PDZRN3: variants seen among roughly 807,000 people sequenced by gnomAD.
PDZRN3 encodes PDZ domain containing ring finger 3, also known as E3 ubiquitin-protein ligase PDZRN3.
In PDZRN3, 38 loss-of-function variants were observed where a neutral mutation model predicts 85.7. That is an observed-to-expected ratio of 0.44 (90% CI 0.34 to 0.58). PDZRN3 has a LOEUF of 0.58. Among genes scored for constraint, PDZRN3 ranks in the 20% least tolerant of loss-of-function variants. PDZRN3 has a pLI of 0.01. For synonymous variants in PDZRN3, 759 were observed against 638.0 expected (o/e 1.19, Z -2.86); for missense variants, 1,629 against 1,506.4 (o/e 1.08, Z -1.35).
chr3:73,615,811 A>G (rs1405691861), intron 1 of PDZRN3, among the ~76,000 whole-genome samples: 1 of 152,226 alleles, frequency 6.6e-6, no homozygotes, highest in African/African-American at 2.4e-5. Flanking sequence ...TAAATGGCCT[A>G]AGACAGAGTG....
intron 1 of PDZRN3, among the ~76,000 whole-genome samples, chr3:73,615,050 G>C (rs1702740198): frequency 6.6e-6 from 1 of 152,062 alleles, no homozygotes; most frequent in South Asian, 2.1e-4. Flanking sequence ...AAAAGGTGTA[G>C]AGAGAATGAA....
chr3:73,528,885 AAC>A (rs56134399), intron 3 of PDZRN3, among the ~76,000 whole-genome samples: 2,568 of 146,372 alleles, frequency 0.018, 34 homozygotes, highest in African/African-American at 0.046. Flanking sequence ...TTTTGTGGGA[AAC>A]ACACACACAC....
At chr3:73,582,858 T>C (rs564443427) in intron 3 of PDZRN3, among the ~76,000 whole-genome samples, 40 of 152,322 alleles carry the variant, frequency 2.6e-4, no homozygotes, top group Non-Finnish European at 4.9e-4. Flanking sequence ...ATTCCTCCAA[T>C]AGACACAGAT....
Position 73,484,846 on chromosome 3 carries a change from T to C in PDZRN3, c.919-80451A>G, listed in dbSNP as rs543227241. On this transcript the variant is annotated intron_variant, in intron 3 of 9. Transcript: ENST00000263666. ...GATTCCCAGCAGATGCGTTTGCATA[T>C]GAAAGTCCTAGAAGCTGGTATAAAG... Among the ~76,000 whole-genome samples, 5 of 152,262 alleles carry C rather than the reference T, an allele frequency of 3.3e-5. No homozygotes were observed. In the East Asian group the frequency reaches 7.7e-4, roughly 24 times the overall value.
chr3:73,391,950 T>C (rs993371276), intron 5 of PDZRN3, among the ~76,000 whole-genome samples: 7 of 152,146 alleles, frequency 4.6e-5, no homozygotes, highest in African/African-American at 1.4e-4. Flanking sequence ...TTTTTAGTGT[T>C]ATCTGCTCAC....
At chr3:73,569,499 T>C (rs1702012191) in intron 3 of PDZRN3, 3 of 1,069,578 alleles carry the variant, frequency 2.8e-6, no homozygotes, top group South Asian at 5.6e-5. Context: ...CTTTCTCCTC[T>C]TCTCTGCAAT....
intron 3 of PDZRN3, among the ~76,000 whole-genome samples, chr3:73,450,027 T>C (rs1702827611): frequency 6.6e-6 from 1 of 152,230 alleles, no homozygotes; most frequent in African/African-American, 2.4e-5. Flanking sequence ...TAGGAGGCAC[T>C]GGATGGACTG....
rs139576328 is a variant in PDZRN3, at chr3:73,487,960, C to T, written c.919-83565G>A. ...CTCACAGCAGTGTGTAGGAGAAAAA[C>T]ACATTATATGCCTACTGTGGGCTGA... On this transcript the variant is annotated intron_variant, in intron 3 of 9. Transcript: ENST00000263666. Among the ~76,000 whole-genome samples the T allele has an allele frequency of 4.7e-3, 709 of 152,260 alleles. 8 individuals are homozygous for T. The highest frequency in any genetic ancestry group is 0.016 in the African/African-American group (652 of 41,544).
intron 3 of PDZRN3, among the ~76,000 whole-genome samples, chr3:73,600,694 A>G (rs146103857): frequency 6.6e-6 from 1 of 152,330 alleles, no homozygotes; most frequent in Non-Finnish European, 1.5e-5. Context: ...TCTCATTTGC[A>G]AAACACAAGA....
chr3:73,558,881 A>C (rs974419094), intron 3 of PDZRN3, among the ~76,000 whole-genome samples: 1 of 152,248 alleles, frequency 6.6e-6, no homozygotes, highest in South Asian at 2.1e-4. Context: ...ACTGTTTGAC[A>C]GCCTACGCAA....
chr3:73,396,806 A>G (rs541927814), intron 5 of PDZRN3, among the ~76,000 whole-genome samples: 2 of 152,302 alleles, frequency 1.3e-5, no homozygotes, highest in African/African-American at 4.8e-5. Context: ...TTCTTTGGGC[A>G]TGTATTTTCT....
Position 73,570,223 on chromosome 3 carries a change from A to AAATG in PDZRN3, c.918+32127_918+32130dup, listed in dbSNP as rs753921136. On this transcript the variant is annotated intron_variant, in intron 3 of 9. Transcript: ENST00000263666. ...ATGTAGAAGGTCTCAAATATTTCTC[A>AAATG]AATGAATGAATGAATGAATGAAAAA... 1.1e-4 allele frequency among the ~76,000 whole-genome samples: 16 copies of AAATG among 152,268 alleles called. No homozygotes were observed. In the East Asian group the frequency reaches 1.2e-3, roughly 11 times the overall value.
chr3:73,565,553 T>C (rs1471118969), intron 3 of PDZRN3, among the ~76,000 whole-genome samples: 2 of 152,160 alleles, frequency 1.3e-5, no homozygotes, highest in African/African-American at 4.8e-5. Flanking sequence ...AGGATTAGGT[T>C]GATAAATCTG....
At chr3:73,396,475 A>G (rs1044356282) in intron 5 of PDZRN3, among the ~76,000 whole-genome samples, 3 of 152,122 alleles carry the variant, frequency 2.0e-5, no homozygotes, top group Non-Finnish European at 2.9e-5. Flanking sequence ...GGTTCCCTAG[A>G]TCTATTCCTT....
At chr3:73,532,428 C>T (rs1217059522) in intron 3 of PDZRN3, among the ~76,000 whole-genome samples, 1 of 152,234 alleles carries the variant, frequency 6.6e-6, no homozygotes, top group Non-Finnish European at 1.5e-5. Flanking sequence ...TAATTTCCAT[C>T]TCTCCAGCTT....
At chr3:73,459,695 T>G (rs138147855) in intron 3 of PDZRN3, among the ~76,000 whole-genome samples, 44 of 152,388 alleles carry the variant, frequency 2.9e-4, no homozygotes, top group African/African-American at 9.6e-4. Flanking sequence ...TTCTTCTTTT[T>G]ACGGCTGCAT....
At position 73,402,941 on chromosome 3, in the gene PDZRN3, C is replaced by CTTTTTTTTTTTTTTTTTTT. The variant is rs140037400; in HGVS notation, c.1166+1188_1166+1206dup. Among the ~76,000 whole-genome samples the CTTTTTTTTTTTTTTTTTTT allele has an allele frequency of 3.4e-4, 39 of 115,646 alleles. 2 individuals are homozygous for CTTTTTTTTTTTTTTTTTTT. The highest frequency in any genetic ancestry group is 1.2e-3 in the African/African-American group (31 of 26,748). The allele number at this position is 115,646 out of a possible 152,430, so 75.9% of individuals were successfully genotyped here. ...GATGTGCAAAGTCACACATGAAAAG[C>CTTTTTTTTTTTTTTTTTTT]TTTTTTTTTTTTTTTTTTTTGAGAC... On this transcript the variant is annotated intron_variant, in intron 4 of 9. Transcript: ENST00000263666.
chr3:73,484,153 G>A (rs746367049), intron 3 of PDZRN3, among the ~76,000 whole-genome samples: 3 of 152,164 alleles, frequency 2.0e-5, no homozygotes, highest in Admixed American at 1.3e-4. Flanking sequence ...GACAGCGGGT[G>A]TGTGAGAAGC....
chr3:73,573,888 T>TA (rs1702080918), intron 3 of PDZRN3, among the ~76,000 whole-genome samples: 1 of 152,002 alleles, frequency 6.6e-6, no homozygotes, highest in South Asian at 2.1e-4. Context: ...CATTAACCCA[T>TA]ATTGTACCAC....
Sources: allele counts gnomAD v4.1 joint callset (sites outside exome capture counted in the v4.1 genomes callset), GRCh38; gene constraint gnomAD v4.1.1; transcripts MANE v1.5; gene names NCBI Gene and HGNC (gene_info 2026-07-23, HGNC 2026-07-21).